AKR1B15: variants seen among roughly 807,000 people sequenced by gnomAD.
AKR1B15 encodes the protein estradiol 17-beta-dehydrogenase AKR1B15.
AKR1B15 carries 49 observed loss-of-function variants against 38.5 expected under a neutral mutation model. That is an observed-to-expected ratio of 1.27 (90% CI 1.01 to 1.62). The LOEUF is 1.62. Ranked by LOEUF, AKR1B15 falls within the 40% of genes most tolerant of loss-of-function variation. The pLI, the probability that AKR1B15 is intolerant of heterozygous loss-of-function variation, is 0.00. For synonymous variants in AKR1B15, 137 were observed against 135.5 expected (o/e 1.01, Z -0.08); for missense variants, 411 against 381.6 (o/e 1.08, Z -0.64).
Position 134,579,511 on chromosome 7 carries a change from T to C in AKR1B15, c.997T>C (p.Ser333Pro), listed in dbSNP as rs768439134. Residue 333 changes from serine (S) to proline (P), a missense_variant, in exon 12 of 12, where the codon TCT becomes CCT. By Grantham distance (74) the Ser-to-Pro change is moderately conservative (BLOSUM62 -1). This residue lies in a region of AKR1B15 where 133 missense variants were observed against 120.3 expected (regional missense o/e 1.11). Transcript: ENST00000457545. ...NWRAFDFKEFSHLEDFPFDAE... is the reference protein window; with the variant it reads ...NWRAFDFKEFPHLEDFPFDAE... ...TTTTTTTCTCTCTCTCTGTAGATTCTCTCATTTGGAGGACTTTCCCTTCGA... is the reference window on the plus strand; with the variant it reads ...TTTTTTTCTCTCTCTCTGTAGATTCCCTCATTTGGAGGACTTTCCCTTCGA... 1.9e-6 allele frequency: 3 copies of C among 1,594,808 alleles called. No homozygotes were observed. In the South Asian group the frequency reaches 3.4e-5, roughly 18 times the overall value.
intron 2 of AKR1B15, among the ~76,000 whole-genome samples, chr7:134,557,284 G>T (rs116400817): frequency 0.011 from 1,732 of 152,212 alleles, 42 homozygotes; most frequent in African/African-American, 0.04. Flanking sequence ...CATAGCTTCT[G>T]TCAATCTTAT....
At chr7:134,557,604 C>T (rs1794244233) in intron 2 of AKR1B15, among the ~76,000 whole-genome samples, 1 of 152,148 alleles carries the variant, frequency 6.6e-6, no homozygotes, top group African/African-American at 2.4e-5. Flanking sequence ...AAAGCCTTTG[C>T]GTTTATCACT....
At chr7:134,564,865 G>C (rs1794498245) in intron 3 of AKR1B15, 96 bp downstream of exon 3, 2 of 524,252 alleles carry the variant, frequency 3.8e-6, no homozygotes, top group African/African-American at 1.9e-5. Flanking sequence ...TGGACTTCCT[G>C]GGTCAAGTGG....
intron 3 of AKR1B15, 77 bp from the exon 4 acceptor site, chr7:134,568,081 C>T (rs1416169768): frequency 3.8e-6 from 6 of 1,561,850 alleles, no homozygotes; most frequent in Non-Finnish European, 5.2e-6. Context: ...AGTGTGAGGC[C>T]AGCCTGGGCA....
At chr7:134,551,346 C>T (rs1562938405) in intron 1 of AKR1B15, among the ~76,000 whole-genome samples, 1 of 152,164 alleles carries the variant, frequency 6.6e-6, no homozygotes, top group Non-Finnish European at 1.5e-5. Flanking sequence ...ATGTCCCCTT[C>T]TCTACTTCTG....
intron 3 of AKR1B15, chr7:134,565,611 A>G (rs1369829737): frequency 1.9e-6 from 3 of 1,596,938 alleles, no homozygotes; most frequent in Non-Finnish European, 2.6e-6. Context: ...TTCTCTTTCT[A>G]CATTCAGCCA....
chr7:134,567,115 C>T (rs1311726989), intron 3 of AKR1B15, among the ~76,000 whole-genome samples: 1 of 152,142 alleles, frequency 6.6e-6, no homozygotes, highest in Non-Finnish European at 1.5e-5. Context: ...CTTCTAGATG[C>T]CAGGTGGCAG....
chr7:134,553,610 A>C (rs906404977), intron 1 of AKR1B15, among the ~76,000 whole-genome samples: 2 of 152,206 alleles, frequency 1.3e-5, no homozygotes, highest in Non-Finnish European at 2.9e-5. Flanking sequence ...CCTTGCTACA[A>C]AGTGCTTCTG....
rs1036239709 is a variant in AKR1B15 at position 134,565,599 on chromosome 7, T to C, written c.150+830T>C. 6 of 1,607,182 alleles carry C rather than the reference T, an allele frequency of 3.7e-6. No homozygotes were observed. In the Admixed American group the frequency reaches 1.0e-4, roughly 27 times the overall value. ...TCTTCTCTGGAGGGCTGTTTGGGTG[T>C]TTTCTCTTTCTACATTCAGCCAGAA... On this transcript the variant is annotated intron_variant, in intron 3 of 11. Coordinates refer to ENST00000457545, the MANE Select transcript of AKR1B15 (RefSeq NM_001080538.3).
At chr7:134,567,101 G>A (rs183194049) in intron 3 of AKR1B15, among the ~76,000 whole-genome samples, 234 of 152,312 alleles carry the variant, frequency 1.5e-3, no homozygotes, top group Admixed American at 4.7e-3. Context: ...GGGTCACAGG[G>A]CTGCTTCTAG....
intron 2 of AKR1B15, among the ~76,000 whole-genome samples, chr7:134,561,513 TG>T (rs1442548161): frequency 2.0e-5 from 3 of 152,216 alleles, no homozygotes; most frequent in Admixed American, 6.5e-5. Context: ...GGACCATGCA[TG>T]TATTATTAAT....
chr7:134,571,520 A>G, intron 5 of AKR1B15, 84 bp from the exon 6 acceptor site: 1 of 1,003,374 alleles, frequency 1.0e-6, no homozygotes, highest in East Asian at 2.4e-5. Context: ...GGTATTTAGC[A>G]AGCATCAGGA....
intron 1 of AKR1B15, among the ~76,000 whole-genome samples, chr7:134,553,839 G>A (rs1046283445): frequency 8.5e-5 from 13 of 152,148 alleles, no homozygotes; most frequent in Admixed American, 5.9e-4. Flanking sequence ...GGATGCCACC[G>A]TGTTTACAGA....
At chr7:134,578,295 G>T (rs1202207574) in intron 11 of AKR1B15, among the ~76,000 whole-genome samples, 1 of 152,168 alleles carries the variant, frequency 6.6e-6, no homozygotes, top group Non-Finnish European at 1.5e-5. Context: ...CCTTTATACG[G>T]GTTGGGTCAA....
At chr7:134,562,872 TTCTTTC>T (rs1331701352) in intron 2 of AKR1B15, among the ~76,000 whole-genome samples, 11 of 145,592 alleles carry the variant, frequency 7.6e-5, no homozygotes, top group Admixed American at 4.1e-4. Context: ...CTTTCTTTCT[TTCTTTC>T]TTTCTTTCTT....
chr7:134,557,793 G>A (rs1279299691), intron 2 of AKR1B15, among the ~76,000 whole-genome samples: 23 of 152,280 alleles, frequency 1.5e-4, no homozygotes, highest in Non-Finnish European at 2.9e-4. Flanking sequence ...CTTCGGGGCT[G>A]AGAGAATTTT....
chr7:134,575,237 C>T (rs1794741278), intron 6 of AKR1B15, among the ~76,000 whole-genome samples, 183 bp from the exon 7 acceptor site: 1 of 152,068 alleles, frequency 6.6e-6, no homozygotes, highest in Admixed American at 6.5e-5. Context: ...TGGGGAGGGG[C>T]AGTAGGGCTG....
rs544737848 is a variant in AKR1B15 at position 134,579,601 on chromosome 7, T to A, written c.*52T>A. 6 of 1,481,172 alleles carry A rather than the reference T, an allele frequency of 4.1e-6. No homozygotes were observed. In the African/African-American group the frequency reaches 7.1e-5, roughly 18 times the overall value. 91.8% of individuals were successfully genotyped at this position (1,481,172 alleles called of 1,614,324 possible). A position where few individuals can be genotyped will look rare whatever the true frequency, so the allele number is the denominator to read the frequency against. On this transcript the variant is annotated 3_prime_UTR_variant, in exon 12 of 12. Coordinates refer to ENST00000457545, the MANE Select transcript of AKR1B15 (RefSeq NM_001080538.3). ...AGGGGATTCTCTTTCTTCGCTGAAG[T>A]GTGACTGTCTCCACTCAAGAACTAT...
chr7:134,573,485 A>G, intron 6 of AKR1B15: 2 of 985,444 alleles, frequency 2.0e-6, no homozygotes, highest in Non-Finnish European at 2.4e-6. Flanking sequence ...GCATGAAAAG[A>G]TATCATTGAT....
Sources: allele counts gnomAD v4.1 joint callset (sites outside exome capture counted in the v4.1 genomes callset), GRCh38; gene constraint gnomAD v4.1.1; regional missense constraint gnomAD v4.1.1; transcripts MANE v1.5; gene names NCBI Gene and HGNC (gene_info 2026-07-23, HGNC 2026-07-21).